The following MYO5C variants were observed in gnomAD, a reference collection of about 807,000 sequenced individuals.
MYO5C encodes unconventional myosin-Vc.
MYO5C carries 194 observed loss-of-function variants against 235.7 expected under a neutral mutation model. The observed-to-expected ratio is 0.82, with a 90% CI of 0.73 to 0.93. The LOEUF is 0.93. Among genes scored for constraint, MYO5C ranks in the 40% least tolerant of loss-of-function variants. MYO5C has a pLI of 0.00. For missense variants in MYO5C, 2,038 were observed against 2,127.2 expected (o/e 0.96, Z 0.82); for synonymous variants, 707 against 754.8 (o/e 0.94, Z 1.04).
At chr15:52,257,056 G>A (rs1298153173) in intron 10 of MYO5C, among the ~76,000 whole-genome samples, 1 of 152,228 alleles carries the variant, frequency 6.6e-6, no homozygotes, top group African/African-American at 2.4e-5. Flanking sequence ...AAGCCCGAGA[G>A]GTTAAGAAAC....
chr15:52,256,587 A>ACACACACACACACACACACACG lies in MYO5C; in HGVS notation c.1395+51_1395+52insCGTGTGTGTGTGTGTGTGTGTG. ...AACACACACACACACACACACACAC[A>ACACACACACACACACACACACG]CGCGCGCGCGCGCGGCTGAGAACTA... On this transcript the variant is annotated intron_variant, in intron 11 of 40. Transcript: ENST00000261839. The ACACACACACACACACACACACG allele has an allele frequency of 6.3e-5, 36 of 567,864 alleles. No individual in the cohort carries two copies. The African/African-American group carries it at 6.7e-4, about 11-fold the overall frequency. The allele number at this position is 567,864 out of a possible 1,614,324, so 35.2% of individuals were successfully genotyped here. A position where few individuals can be genotyped will look rare whatever the true frequency, so the allele number is the denominator to read the frequency against.
intron 10 of MYO5C, among the ~76,000 whole-genome samples, chr15:52,259,582 A>G (rs2140822252): frequency 6.6e-6 from 1 of 152,360 alleles, no homozygotes; most frequent in Admixed American, 6.5e-5. Flanking sequence ...AGGACTATCC[A>G]TTTTTAAAAG....
intron 7 of MYO5C, among the ~76,000 whole-genome samples, chr15:52,270,694 A>ATG (rs1334621595): frequency 6.8e-6 from 1 of 147,824 alleles, no homozygotes; most frequent in Non-Finnish European, 1.5e-5. Flanking sequence ...ATACACATGT[A>ATG]TGTGTATATA....
chr15:52,257,288 C>T (rs190805254), intron 10 of MYO5C, among the ~76,000 whole-genome samples: 1 of 152,318 alleles, frequency 6.6e-6, no homozygotes, highest in East Asian at 1.9e-4. Flanking sequence ...CCCAGCACAC[C>T]CCATCAGGGA....
intron 1 of MYO5C, among the ~76,000 whole-genome samples, chr15:52,294,741 T>C (rs1360950083): frequency 6.6e-6 from 1 of 151,952 alleles, no homozygotes; most frequent in African/African-American, 2.4e-5. Context: ...ATCCAAATAA[T>C]TACCCAAGCC....
chr15:52,278,526 T>C (rs957651179), intron 4 of MYO5C, among the ~76,000 whole-genome samples: 1 of 150,588 alleles, frequency 6.6e-6, no homozygotes, highest in African/African-American at 2.4e-5. Flanking sequence ...AGATCCTACT[T>C]CCTGCAATGG....
In MYO5C at chr15:52,247,568, G is replaced by T. The variant is rs267604255; in HGVS notation, c.1771C>A (p.Gln591Lys). Residue 591 changes from glutamine (Q) to lysine (K), a missense_variant, in exon 15 of 41, where the codon CAA becomes AAA. Coordinates refer to ENST00000261839, the MANE Select transcript of MYO5C (RefSeq NM_018728.4). ...SKFHLCANFF[Q>K]ENPTPPSPFG... ...GGAGAAGGAGGAGTTGGATTTTCTT[G>T]AAAAAAGTTGGCACAGAGATGAAAC... The T allele has an allele frequency of 1.9e-6, 3 of 1,613,930 alleles. No homozygotes were observed. Among genetic ancestry groups the T allele is most frequent in the Non-Finnish European group, 2.5e-6 (3 of 1,179,942 alleles).
intron 1 of MYO5C, among the ~76,000 whole-genome samples, chr15:52,290,828 G>T (rs2037373342): frequency 6.6e-6 from 1 of 152,052 alleles, no homozygotes; most frequent in Admixed American, 6.6e-5. Flanking sequence ...AAACAAAACA[G>T]AAAATTTTAT....
At chr15:52,205,503 C>T (rs1596137193) in intron 37 of MYO5C, 1 of 323,846 alleles carries the variant, frequency 3.1e-6, no homozygotes, top group Non-Finnish European at 5.6e-6. Context: ...TCGAATGGGG[C>T]TTTAGGATTT....
intron 1 of MYO5C, among the ~76,000 whole-genome samples, chr15:52,292,709 GAC>G (rs2037417173): frequency 2.0e-5 from 3 of 152,254 alleles, no homozygotes; most frequent in Non-Finnish European, 4.4e-5. Context: ...CAATAGTGGA[GAC>G]ACAGAGTTCA....
At chr15:52,255,482 A>AT (rs2140812732) in intron 11 of MYO5C, among the ~76,000 whole-genome samples, 1 of 152,360 alleles carries the variant, frequency 6.6e-6, no homozygotes, top group South Asian at 2.1e-4. Flanking sequence ...TTAGTAAAGC[A>AT]TTTTAGCTTT....
At chr15:52,256,600 C>CGCGCGCGT in intron 11 of MYO5C, 39 bp downstream of exon 11, 3 of 1,517,268 alleles carry the variant, frequency 2.0e-6, no homozygotes, top group South Asian at 2.3e-5. Flanking sequence ...CGCGCGCGCG[C>CGCGCGCGT]GGCTGAGAAC....
At chr15:52,218,719 A>G in intron 31 of MYO5C, 32 bp from the exon 32 acceptor site, 1 of 1,608,556 alleles carries the variant, frequency 6.2e-7, no homozygotes, top group Non-Finnish European at 8.5e-7. Flanking sequence ...GGCTGGTATC[A>G]GTATGACGGT....
intron 11 of MYO5C, among the ~76,000 whole-genome samples, chr15:52,253,670 T>A (rs2036519660): frequency 6.6e-6 from 1 of 152,128 alleles, no homozygotes; most frequent in Non-Finnish European, 1.5e-5. Context: ...CTAGTCTGAG[T>A]GGGTCTCTAC....
intron 32 of MYO5C, among the ~76,000 whole-genome samples, chr15:52,215,735 T>TC (rs2035537806): frequency 6.6e-6 from 1 of 152,206 alleles, no homozygotes; most frequent in South Asian, 2.1e-4. Context: ...ATTCCTTTTT[T>TC]CCCAATATGG....
At chr15:52,287,719 G>A in intron 1 of MYO5C, among the ~76,000 whole-genome samples, 1 of 152,196 alleles carries the variant, frequency 6.6e-6, no homozygotes, top group East Asian at 1.9e-4. Flanking sequence ...GCTCACGTGT[G>A]TAATCCCAGC....
At chr15:52,246,795 T>C (rs2036356527) in intron 16 of MYO5C, 122 bp downstream of exon 16, 1 of 712,942 alleles carries the variant, frequency 1.4e-6, no homozygotes, top group Admixed American at 2.9e-5. Context: ...AGCATTGTTC[T>C]GAATCATTAA....
intron 16 of MYO5C, 79 bp from the exon 17 acceptor site, chr15:52,246,121 C>A (rs1254858125): frequency 1.8e-6 from 2 of 1,139,140 alleles, no homozygotes; most frequent in Non-Finnish European, 2.6e-6. Flanking sequence ...GCAGACCTGG[C>A]TAGACTGTGA....
In MYO5C at chr15:52,251,517, TG is replaced by T. The variant is rs2036473012; in HGVS notation, c.1537-3del. ...GTTTTCATCAGTTCCATGTGGTAAC[TG>T]GAAAAGAAAAATAAACCAAATAGCA... On this transcript the variant is annotated splice_region_variant and splice_polypyrimidine_tract_variant and intron_variant, in intron 12 of 40. Coordinates refer to ENST00000261839, the MANE Select transcript of MYO5C (RefSeq NM_018728.4). 6.3e-7 allele frequency: 1 copy of T among 1,588,850 alleles called. No homozygotes were observed. Among genetic ancestry groups the T allele is most frequent in the Admixed American group, 1.8e-5 (1 of 56,668 alleles).
Sources: gnomAD v4.1 joint callset for allele counts (sites outside exome capture counted in the v4.1 genomes callset) on GRCh38, gnomAD v4.1.1 for gene constraint, MANE v1.5 for transcripts, NCBI Gene and HGNC (gene_info 2026-07-23, HGNC 2026-07-21) for gene names.